The following HNRNPDL variants were observed in gnomAD, a reference collection of about 807,000 sequenced individuals.
The protein encoded by HNRNPDL is heterogeneous nuclear ribonucleoprotein D like, also known as heterogeneous nuclear ribonucleoprotein D-like.
HNRNPDL carries 18 observed loss-of-function variants against 48.0 expected under a neutral mutation model. That is an observed-to-expected ratio of 0.38 (90% confidence interval 0.26 to 0.56). The LOEUF (loss-of-function observed/expected upper bound fraction) is 0.56, where lower values mean the gene tolerates loss of function less well. Ranked by LOEUF, HNRNPDL falls within the 20% of genes least tolerant of loss-of-function variation. HNRNPDL has a pLI of 0.77. For missense variants in HNRNPDL, 553 were observed against 540.7 expected, an observed-to-expected ratio of 1.02 and a Z score of -0.23; for synonymous variants, 306 against 207.3, an observed-to-expected ratio of 1.48 and a Z score of -4.09.
chr4:82,425,409 C>G (rs953910906), intron 7 of HNRNPDL: 1 of 152,350 alleles, frequency 6.6e-6, no homozygotes, highest in Non-Finnish European at 1.5e-5. Context: ...AATGATTAAG[C>G]TGTAAAAAGG....
chr4:82,427,327 T>C (rs202193348), intron 4 of HNRNPDL, 23 bp from the exon 5 acceptor site: 11 of 1,548,200 alleles, frequency 7.1e-6, no homozygotes, highest in South Asian at 4.8e-5. Context: ...AACATGAAAG[T>C]ATAATTTTTA....
intron 5 of HNRNPDL, 60 bp downstream of exon 5, chr4:82,427,130 T>C (rs576525626): frequency 6.5e-6 from 7 of 1,080,330 alleles, no homozygotes; most frequent in South Asian, 1.3e-5. Flanking sequence ...GGACTACTCA[T>C]ATTCAGCAGT....
Position 82,423,888 on chromosome 4 carries a change from CTG to C in HNRNPDL, c.*1016_*1017del, listed in dbSNP as rs1333704733. 6 of 152,342 alleles carry C rather than the reference CTG, an allele frequency of 3.9e-5. No individual in the cohort carries two copies. Among genetic ancestry groups the C allele is most frequent in the South Asian group, 2.1e-4 (1 of 4,830 alleles). The allele number at this position is 152,342 out of a possible 1,614,324, so 9.4% of individuals were successfully genotyped here. ...AATATTTAACTACTTAGTTCATGCA[CTG>C]TGTCAAAAACTAGATTTACTATCAA... On this transcript the variant is annotated 3_prime_UTR_variant, in exon 8 of 8. Transcript: ENST00000295470.
rs1239048161 is a variant in HNRNPDL, at chr4:82,422,607, A to G, written c.*2299T>C. ...CTCATTTTAATAGTCCTCATCTTAT[A>G]AAAGTGAGATTACAGATTAACATGT... On this transcript the variant is annotated 3_prime_UTR_variant, in exon 8 of 8. Coordinates refer to ENST00000295470, the MANE Select transcript of HNRNPDL (RefSeq NM_031372.4). The G allele has an allele frequency of 6.6e-6, 1 of 152,234 alleles. No homozygotes were observed. The highest frequency in any genetic ancestry group is 6.5e-5 in the Admixed American group (1 of 15,282). The allele number at this position is 152,234 out of a possible 1,614,324, so 9.4% of individuals were successfully genotyped here. A position where few individuals can be genotyped will look rare whatever the true frequency, so the allele number is the denominator to read the frequency against.
rs910775522 is a variant in HNRNPDL at position 82,430,360 on chromosome 4, G to T, written c.-670C>A. ...CACTCACATCCCCGGCGCGCCACTC[G>T]CGGGGCTCCTTTCTGCACGTGCCCC... On this transcript the variant is annotated 5_prime_UTR_variant, in exon 1 of 8. Coordinates refer to ENST00000295470, the MANE Select transcript of HNRNPDL (RefSeq NM_031372.4). 2.5e-4 allele frequency: 41 copies of T among 162,240 alleles called. No homozygotes were observed. Among genetic ancestry groups the T allele is most frequent in the Admixed American group, 4.3e-4 (7 of 16,204 alleles). The allele number at this position is 162,240 out of a possible 1,614,324, so 10.1% of individuals were successfully genotyped here. A position where few individuals can be genotyped will look rare whatever the true frequency, so the allele number is the denominator to read the frequency against.
rs1326291592 is a variant in HNRNPDL at position 82,424,699 on chromosome 4, A to G, written c.*207T>C. 24 of 152,694 alleles carry G rather than the reference A, an allele frequency of 1.6e-4. No homozygotes were observed. The highest frequency in any genetic ancestry group is 1.6e-3 in the Admixed American group (24 of 15,292). 9.5% of individuals were successfully genotyped at this position (152,694 alleles called of 1,614,324 possible). A position where few individuals can be genotyped will look rare whatever the true frequency, so the allele number is the denominator to read the frequency against. ...ATAAAATGTGTATAAACAAATCCAC[A>G]TTGAGTCATAACACAGATAGCAAAG... On this transcript the variant is annotated 3_prime_UTR_variant, in exon 8 of 8. Transcript: ENST00000295470.
At position 82,424,505 on chromosome 4, in the gene HNRNPDL, T is replaced by C. The variant is rs574645490; in HGVS notation, c.*401A>G. The C allele has an allele frequency of 2.0e-5, 3 of 152,784 alleles. No homozygotes were observed. Among genetic ancestry groups the C allele is most frequent in the East Asian group, 3.9e-4 (2 of 5,194 alleles). The allele number at this position is 152,784 out of a possible 1,614,324, so 9.5% of individuals were successfully genotyped here. A position where few individuals can be genotyped will look rare whatever the true frequency, so the allele number is the denominator to read the frequency against. ...GAAGAGGGTGACGCTGGCTGGCTAT[T>C]TATAAAGGACCACAGTTTCTCTGTA... On this transcript the variant is annotated 3_prime_UTR_variant, in exon 8 of 8. Coordinates refer to ENST00000295470, the MANE Select transcript of HNRNPDL (RefSeq NM_031372.4).
chr4:82,426,428 C>T (rs1435143488), intron 6 of HNRNPDL, 35 bp downstream of exon 6: 2 of 1,551,840 alleles, frequency 1.3e-6, no homozygotes, highest in East Asian at 2.2e-5. Context: ...AATTTTAATA[C>T]CACTGCTTTA....
chr4:82,426,195 C>T (rs2110027370), intron 6 of HNRNPDL, 66 bp from the exon 7 acceptor site: 3 of 1,331,854 alleles, frequency 2.3e-6, no homozygotes, highest in South Asian at 1.2e-5. Flanking sequence ...CAAACACAAA[C>T]TATTAAATCT....
intron 7 of HNRNPDL, 93 bp downstream of exon 7, chr4:82,425,944 G>A (rs1721387865): frequency 2.4e-6 from 2 of 817,292 alleles, no homozygotes; most frequent in Non-Finnish European, 4.1e-6. Flanking sequence ...GTAAAAACAG[G>A]CTACATAGTA....
intron 7 of HNRNPDL, chr4:82,425,310 A>G (rs1721372565): frequency 6.6e-6 from 1 of 152,240 alleles, no homozygotes; most frequent in Non-Finnish European, 1.5e-5. Context: ...TATTAGCTAT[A>G]AAAAGAAAAA....
At position 82,429,924 on chromosome 4, in the gene HNRNPDL, C is replaced by G; in HGVS notation, c.-234G>C. ...CCGCCTTTTTCTGCCCTCGGTTCGC[C>G]AGTGCGGAGCCGCTGCGGCGGCCGC... On this transcript the variant is annotated 5_prime_UTR_variant, in exon 1 of 8. Transcript: ENST00000295470. The G allele has an allele frequency of 5.6e-6, 2 of 356,966 alleles. No individual in the cohort carries two copies. The highest frequency in any genetic ancestry group is 4.1e-5 in the East Asian group (1 of 24,486). 22.1% of individuals were successfully genotyped at this position (356,966 alleles called of 1,614,324 possible).
At position 82,429,556 on chromosome 4, in the gene HNRNPDL, G is replaced by A. The variant is rs1005434745; in HGVS notation, c.135C>T (p.Leu45=). ...CCCCCTGCCGGGCGGAGCTGGGAGC[G>A]AGCGAAGGGAGGAGCGGGGCTAGCT... ...PRQLAPLLPS[L]APSSARQGAR... The change falls in exon 1 of 8, where the codon CTC becomes CTT. Residue 45 remains leucine (L), a synonymous_variant. Transcript: ENST00000295470. The A allele has an allele frequency of 3.5e-6, 5 of 1,440,946 alleles. No homozygotes were observed. Among genetic ancestry groups the A allele is most frequent in the East Asian group, 5.6e-5 (2 of 35,558 alleles). 89.3% of individuals were successfully genotyped at this position (1,440,946 alleles called of 1,614,324 possible). A position where few individuals can be genotyped will look rare whatever the true frequency, so the allele number is the denominator to read the frequency against.
At position 82,427,411 on chromosome 4, in the gene HNRNPDL, TA is replaced by T. The variant is rs781625067; in HGVS notation, c.906+21del. The stretch of plus-strand genomic sequence containing the variant: ...TATTTCAATTATTTAAATTTTCATT[TA>T]AAGTGCTTAAATGGCTTTACCTTCC... On this transcript the variant is annotated intron_variant, in intron 4 of 7. Transcript: ENST00000295470. 6 of 1,566,542 alleles carry T rather than the reference TA, an allele frequency of 3.8e-6. No homozygotes were observed. The Middle Eastern group carries it at 5.1e-4, about 133-fold the overall frequency.
chr4:82,429,141 G>A (rs879197854), intron 1 of HNRNPDL, 107 bp downstream of exon 1: 2 of 1,029,652 alleles, frequency 1.9e-6, no homozygotes, highest in Non-Finnish European at 1.5e-6. Flanking sequence ...GAAGGCACGC[G>A]GGGAATCGAC....
rs1389241729 is a variant in HNRNPDL at position 82,423,206 on chromosome 4, A to G, written c.*1700T>C. The G allele has an allele frequency of 6.6e-6, 1 of 152,194 alleles. No individual in the cohort carries two copies. The allele number at this position is 152,194 out of a possible 1,614,324, so 9.4% of individuals were successfully genotyped here. On this transcript the variant is annotated 3_prime_UTR_variant, in exon 8 of 8. Coordinates refer to ENST00000295470, the MANE Select transcript of HNRNPDL (RefSeq NM_031372.4). Reference sequence around the variant, plus strand: ...TATCAAGACTTGATTAAAAGTTTGGATTTTGTTTAAAAAGGCTTTATTCAT... The same window carrying G: ...TATCAAGACTTGATTAAAAGTTTGGGTTTTGTTTAAAAAGGCTTTATTCAT...
chr4:82,428,575 A>T (rs1426244014), intron 1 of HNRNPDL, 129 bp from the exon 2 acceptor site: 10 of 740,368 alleles, frequency 1.4e-5, no homozygotes, highest in Non-Finnish European at 1.7e-5. Context: ...TCATGTTTAC[A>T]TTTAATCTAT....
chr4:82,429,674 C>CT lies in HNRNPDL; in HGVS notation c.16dup (p.Arg6LysfsTer86). The CT allele has an allele frequency of 7.4e-7, 1 of 1,359,048 alleles. No homozygotes were observed. Among genetic ancestry groups the CT allele is most frequent in the Middle Eastern group, 2.5e-4 (1 of 3,998 alleles). The allele number at this position is 1,359,048 out of a possible 1,614,324, so 84.2% of individuals were successfully genotyped here. ...CAATGGCGGCGGCACATGGGAAAGC[C>CT]TGGGCGGGACCTCCATCGCGGCCCT... On this transcript the variant is annotated frameshift_variant, in exon 1 of 8. Transcript: ENST00000295470. LOFTEE classifies it high-confidence loss of function.
Position 82,427,225 on chromosome 4 carries a change from G to C in HNRNPDL, c.986C>G (p.Ala329Gly). The C allele has an allele frequency of 1.2e-6, 2 of 1,613,720 alleles. No individual in the cohort carries two copies. Among genetic ancestry groups the C allele is most frequent in the Non-Finnish European group, 1.7e-6 (2 of 1,179,716 alleles). The change falls in exon 5 of 8, where the codon GCT (alanine) becomes GGT (glycine). Residue 329 changes from alanine to glycine, a missense_variant. Transcript: ENST00000295470. ...QQQKGGRGAA[A>G]GGRGGTRGRG... Reference sequence around the variant, plus strand: ...ACCCCTCGTACCACCTCGTCCACCAGCTGCAGCACCTCTTCCACCTTTTTG... The same window carrying C: ...ACCCCTCGTACCACCTCGTCCACCACCTGCAGCACCTCTTCCACCTTTTTG...
Sources: gnomAD v4.1 joint callset for allele counts on GRCh38, gnomAD v4.1.1 for gene constraint, MANE v1.5 for transcripts, NCBI Gene and HGNC (gene_info 2026-07-23, HGNC 2026-07-21) for gene names.